The following ANO4 variants were observed in gnomAD, a reference collection of about 807,000 sequenced individuals.
ANO4 encodes anoctamin 4, also known as anoctamin-4.
ANO4 carries 69 observed loss-of-function variants against 141.9 expected under a neutral mutation model. That is an observed-to-expected ratio of 0.49 (90% CI 0.40 to 0.59). The LOEUF (loss-of-function observed/expected upper bound fraction) is 0.59, where lower values mean the gene tolerates loss of function less well. Among genes scored for constraint, ANO4 ranks in the 20% least tolerant of loss-of-function variants. The pLI, the probability that ANO4 is intolerant of heterozygous loss-of-function variation, is 0.00. For synonymous variants in ANO4, 350 were observed against 394.3 expected (o/e 0.89, Z 1.33); for missense variants, 894 against 1,162.2 (o/e 0.77, Z 3.36).
intron 22 of ANO4, among the ~76,000 whole-genome samples, chr12:101,104,023 G>A (rs1190267024): frequency 1.3e-5 from 2 of 151,874 alleles, no homozygotes; most frequent in Admixed American, 6.6e-5. Flanking sequence ...ACTTAGCAGC[G>A]TAAAATTGTT....
chr12:100,964,447 A>G (rs568843080), intron 5 of ANO4, among the ~76,000 whole-genome samples: 1 of 150,550 alleles, frequency 6.6e-6, no homozygotes, highest in East Asian at 2.0e-4. Flanking sequence ...TATCATTACT[A>G]TTCATTTGCA....
At chr12:100,823,558 C>T (rs2036170366) in intron 1 of ANO4, among the ~76,000 whole-genome samples, 1 of 152,006 alleles carries the variant, frequency 6.6e-6, no homozygotes. Context: ...CGGGAAATTG[C>T]AAAAGGTTTA....
At chr12:101,124,013 T>C (rs1247162905) in intron 26 of ANO4, among the ~76,000 whole-genome samples, 4 of 152,198 alleles carry the variant, frequency 2.6e-5, no homozygotes, top group Admixed American at 6.5e-5. Flanking sequence ...AAATGGTATT[T>C]CTGCTTGTAA....
chr12:101,094,341 G>C lies in ANO4; in HGVS notation c.1738+49G>C, dbSNP rs374339333. The C allele has an allele frequency of 2.7e-6, 4 of 1,471,410 alleles. No homozygotes were observed. The African/African-American group carries it at 5.7e-5, about 21-fold the overall frequency. 91.1% of individuals were successfully genotyped at this position (1,471,410 alleles called of 1,614,324 possible). On this transcript the variant is annotated intron_variant, in intron 18 of 27. Coordinates refer to ENST00000392977, the MANE Select transcript of ANO4 (RefSeq NM_001286615.2). ...ATAGAACTGTACTGTGGGCTAGAGA[G>C]TATGGTTCAAAGATTCCTTTCTCTA... is the stretch of plus-strand genomic sequence containing the variant.
intron 9 of ANO4, among the ~76,000 whole-genome samples, chr12:101,028,978 A>G (rs2046853970): frequency 6.6e-6 from 1 of 152,158 alleles, no homozygotes; most frequent in African/African-American, 2.4e-5. Flanking sequence ...CTAACAATGC[A>G]CCTCTCAGCA....
chr12:100,801,614 T>C (rs1415204421), intron 1 of ANO4, among the ~76,000 whole-genome samples: 1 of 151,772 alleles, frequency 6.6e-6, no homozygotes, highest in Non-Finnish European at 1.5e-5. Flanking sequence ...AAACAGAGAC[T>C]GTAGTCAGCT....
rs568750372 is a variant in ANO4, at chr12:100,733,955, T to C, written c.106+98T>C. The C allele has an allele frequency of 1.1e-5, 7 of 613,520 alleles. No homozygotes were observed. The East Asian group carries it at 1.7e-4, about 15-fold the overall frequency. 38.0% of individuals were successfully genotyped at this position (613,520 alleles called of 1,614,324 possible). On this transcript the variant is annotated intron_variant, in intron 2 of 29. Transcript: ENST00000644049. ...GCTGGGGAGGAGAGGGAAGAAAATA[T>C]AAATGCATAGGCATTTATTTTCAGA...
intron 1 of ANO4, among the ~76,000 whole-genome samples, chr12:100,878,311 T>C (rs1158940020): frequency 6.6e-6 from 1 of 152,178 alleles, no homozygotes; most frequent in Non-Finnish European, 1.5e-5. Context: ...AGAATTATAG[T>C]CCAGGGAATT....
chr12:100,927,987 A>G (rs1460538465), intron 3 of ANO4, among the ~76,000 whole-genome samples: 1 of 152,106 alleles, frequency 6.6e-6, no homozygotes, highest in Non-Finnish European at 1.5e-5. Flanking sequence ...TGTCTACATA[A>G]TCATATAGCT....
chr12:101,040,212 A>T (rs665071), intron 11 of ANO4, 136 bp downstream of exon 11: 1 of 1,151,604 alleles, frequency 8.7e-7, no homozygotes, highest in East Asian at 2.6e-5. Context: ...TCTTCACAAG[A>T]GGAAACTCAT....
chr12:100,908,506 T>G (rs938008006), intron 2 of ANO4, among the ~76,000 whole-genome samples: 3 of 152,220 alleles, frequency 2.0e-5, no homozygotes. Flanking sequence ...AAAAATATAT[T>G]AAGTTACAAT....
rs138514735 is a variant in ANO4, at chr12:100,876,141, C to T, written c.-140-25505C>T. ...TCCGTATTTTTATTTTTCGCCAGGC[C>T]CTACAAATTATGTAGCTTGTCCTGG... On this transcript the variant is annotated intron_variant, in intron 1 of 27. Coordinates refer to ENST00000392977, the MANE Select transcript of ANO4 (RefSeq NM_001286615.2). Among the ~76,000 whole-genome samples, 43 of 151,852 alleles carry T rather than the reference C, an allele frequency of 2.8e-4. No individual in the cohort carries two copies. In the East Asian group the frequency reaches 8.3e-3, roughly 29 times the overall value.
intron 17 of ANO4, among the ~76,000 whole-genome samples, chr12:101,088,104 G>A (rs1312939775): frequency 1.3e-5 from 2 of 152,094 alleles, no homozygotes; most frequent in Admixed American, 6.6e-5. Flanking sequence ...GTGGCCTCAC[G>A]GGCTTTCGCT....
intron 14 of ANO4, among the ~76,000 whole-genome samples, chr12:101,050,865 G>T (rs2653447): frequency 0.63 from 95,959 of 151,972 alleles, 30,743 homozygotes; most frequent in African/African-American, 0.74. Flanking sequence ...CCTGGCATAG[G>T]CATTTGGAAG....
At chr12:101,076,072 A>G (rs1285744548) in intron 14 of ANO4, among the ~76,000 whole-genome samples, 3 of 152,178 alleles carry the variant, frequency 2.0e-5, no homozygotes, top group African/African-American at 4.8e-5. Context: ...CCTATTGAGT[A>G]CTATAATGGA....
chr12:100,955,422 C>T (rs1013302649), intron 5 of ANO4, among the ~76,000 whole-genome samples: 1 of 152,154 alleles, frequency 6.6e-6, no homozygotes, highest in African/African-American at 2.4e-5. Flanking sequence ...TAGGCTTTCT[C>T]ATGACATCGT....
chr12:100,799,940 CTG>C (rs1196085594), intron 1 of ANO4, among the ~76,000 whole-genome samples: 2 of 152,166 alleles, frequency 1.3e-5, no homozygotes, highest in Admixed American at 6.5e-5. Context: ...ACAGCTGACA[CTG>C]TGCCATTCAT....
At chr12:100,905,853 C>A (rs2040821945) in intron 2 of ANO4, among the ~76,000 whole-genome samples, 1 of 152,126 alleles carries the variant, frequency 6.6e-6, no homozygotes, top group African/African-American at 2.4e-5. Flanking sequence ...GATAGTTTAT[C>A]TGTGATAACT....
At chr12:101,090,934 C>T (rs144295872) in intron 17 of ANO4, among the ~76,000 whole-genome samples, 18 of 152,140 alleles carry the variant, frequency 1.2e-4, no homozygotes, top group Non-Finnish European at 2.2e-4. Context: ...AAAATGAAGA[C>T]GGGAGCATAG....
Sources: allele counts gnomAD v4.1 joint callset (sites outside exome capture counted in the v4.1 genomes callset), GRCh38; gene constraint gnomAD v4.1.1; transcripts MANE v1.5; gene names NCBI Gene and HGNC (gene_info 2026-07-23, HGNC 2026-07-21).